Variants in ATAD2 observed in about 807,000 individuals in gnomAD.
ATAD2 encodes ATPase family AAA domain containing 2, also known as ATPase family AAA domain-containing protein 2.
In ATAD2, 62 loss-of-function variants were observed where a neutral mutation model predicts 168.9. The observed-to-expected ratio is 0.37, with a 90% CI of 0.30 to 0.45. The LOEUF (loss-of-function observed/expected upper bound fraction) is 0.45. ATAD2 is among the 20% of genes least tolerant of loss of function. The pLI is 1.00. For missense variants in ATAD2, 1,419 were observed against 1,667.8 expected (o/e 0.85, Z 2.60); for synonymous variants, 613 against 571.6 (o/e 1.07, Z -1.03).
chr8:123,400,114 A>T (rs550524615), upstream of ATAD2, among the ~76,000 whole-genome samples: 1 of 152,062 alleles, frequency 6.6e-6, no homozygotes, highest in Non-Finnish European at 1.5e-5. This position sits in a 1 kb window ranked among gnomAD's most constrained non-coding sequence, Gnocchi z 4.5. Flanking sequence ...CAGTGAGCCA[A>T]GATCATGCCA....
intron 19 of ATAD2, chr8:123,342,589 T>C (rs2131313314): frequency 6.6e-6 from 1 of 152,224 alleles, no homozygotes; most frequent in Middle Eastern, 3.4e-3. Flanking sequence ...ACATATGAGA[T>C]ATCCACATAA....
At position 123,320,949 on chromosome 8, in the gene ATAD2, T is replaced by C; in HGVS notation, c.*185A>G. 3 of 557,804 alleles carry C rather than the reference T, an allele frequency of 5.4e-6. No individual in the cohort carries two copies. The highest frequency in any genetic ancestry group is 6.1e-6 in the Non-Finnish European group (2 of 328,354). The allele number at this position is 557,804 out of a possible 1,614,324, so 34.6% of individuals were successfully genotyped here. ...CTAGCAAAGTTCCAATATTTATCAG[T>C]TATCTTACACATGACATTTATCTTA... On this transcript the variant is annotated 3_prime_UTR_variant, in exon 28 of 28. Coordinates refer to ENST00000287394, the MANE Select transcript of ATAD2 (RefSeq NM_014109.4).
intron 27 of ATAD2, among the ~76,000 whole-genome samples, chr8:123,322,664 G>A (rs1827500900): frequency 6.6e-6 from 1 of 150,858 alleles, no homozygotes; most frequent in Non-Finnish European, 1.5e-5. Context: ...CAGAGACCCT[G>A]TCTCTAAATA....
Position 123,320,321 on chromosome 8 carries a change from A to G in ATAD2, c.*813T>C, listed in dbSNP as rs1348802659. The G allele has an allele frequency of 6.6e-6, 1 of 151,494 alleles. No homozygotes were observed. The highest frequency in any genetic ancestry group is 1.5e-5 in the Non-Finnish European group (1 of 67,858). 9.4% of individuals were successfully genotyped at this position (151,494 alleles called of 1,614,324 possible). On this transcript the variant is annotated 3_prime_UTR_variant, in exon 28 of 28. Coordinates refer to ENST00000287394, the MANE Select transcript of ATAD2 (RefSeq NM_014109.4). Reference sequence around the variant, plus strand: ...AATGTATTTTTGGTACCATTAATATAAAATTATAATATTTATATTTATAAA... The same window carrying G: ...AATGTATTTTTGGTACCATTAATATGAAATTATAATATTTATATTTATAAA...
intron 1 of ATAD2, among the ~76,000 whole-genome samples, chr8:123,409,685 T>A (rs1468008302): frequency 6.6e-6 from 1 of 151,624 alleles, no homozygotes; most frequent in Non-Finnish European, 1.5e-5. Context: ...TAATAATCCT[T>A]GGCTGGGCAC....
chr8:123,377,940 T>C (rs917424326), intron 2 of ATAD2, among the ~76,000 whole-genome samples: 17 of 152,220 alleles, frequency 1.1e-4, no homozygotes, highest in Admixed American at 8.5e-4. Flanking sequence ...CAATTCTCTA[T>C]AAGGTAACAA....
intron 8 of ATAD2, among the ~76,000 whole-genome samples, chr8:123,368,635 C>A (rs958247261): frequency 1.3e-5 from 2 of 152,000 alleles, no homozygotes; most frequent in African/African-American, 4.8e-5. Flanking sequence ...GGTCTAGAGG[C>A]CATGTAGCTT....
At chr8:123,387,845 A>C (rs1829687991) in intron 1 of ATAD2, among the ~76,000 whole-genome samples, 1 of 152,180 alleles carries the variant, frequency 6.6e-6, no homozygotes, top group African/African-American at 2.4e-5. Context: ...TCAAGCTTTA[A>C]ATTCATTTTT....
In ATAD2 at chr8:123,367,447, T is replaced by C. The variant is rs559449644; in HGVS notation, c.1049+1611A>G. On this transcript the variant is annotated intron_variant, in intron 8 of 27. Coordinates refer to ENST00000287394, the MANE Select transcript of ATAD2 (RefSeq NM_014109.4). ...AAACAAAACGGGAGAAGAAATAAGA[T>C]CCCAAAGTAGCTGCCACCCTCTTAG... Among the ~76,000 whole-genome samples the C allele has an allele frequency of 2.6e-4, 39 of 152,074 alleles. No homozygotes were observed. In the South Asian group the frequency reaches 8.1e-3, roughly 32 times the overall value.
Position 123,369,087 on chromosome 8 carries a change from T to C in ATAD2, c.1020A>G (p.Pro340=), listed in dbSNP as rs1204048058. ...RPRYRLSSAG[P]RSPYCKRMNR... is the part of the protein sequence containing the mutation. ...TCATTCGTTTACAGTAAGGACTTCT[T>C]GGTCCTGCGGAAGATAATCGGTATC... is the stretch of plus-strand genomic sequence containing the variant. The change falls in exon 8 of 28, where the codon CCA becomes CCG. Residue 340 remains proline, a synonymous_variant. Coordinates refer to ENST00000287394, the MANE Select transcript of ATAD2 (RefSeq NM_014109.4). The C allele has an allele frequency of 1.9e-6, 3 of 1,594,408 alleles. No homozygotes were observed. The highest frequency in any genetic ancestry group is 1.1e-5 in the South Asian group (1 of 88,848).
At chr8:123,389,594 C>A (rs531232206) in intron 1 of ATAD2, among the ~76,000 whole-genome samples, 2 of 151,366 alleles carry the variant, frequency 1.3e-5, no homozygotes, top group Non-Finnish European at 2.9e-5. Flanking sequence ...GAGCCCAGAT[C>A]GCGCCACTGC....
At position 123,359,023 on chromosome 8, in the gene ATAD2, T is replaced by TG. The variant is rs1424700902; in HGVS notation, c.1382+197dup. The stretch of plus-strand genomic sequence containing the variant: ...CTGGCCCAGTATATTACTTTTATGA[T>TG]GGGGGGAAAGCTTACTAATTTTTAA... On this transcript the variant is annotated intron_variant, in intron 11 of 27. Transcript: ENST00000287394. Among the ~76,000 whole-genome samples the TG allele has an allele frequency of 1.2e-3, 186 of 152,096 alleles. 3 individuals carry two copies. Among genetic ancestry groups the TG allele is most frequent in the Non-Finnish European group, 2.4e-4 (16 of 67,998 alleles).
chr8:123,369,148 A>G lies in ATAD2; in HGVS notation c.959T>C (p.Ile320Thr). Residue 320 changes from isoleucine (I) to threonine (T), a missense_variant, in exon 8 of 28, where the codon ATA (isoleucine) becomes ACA (threonine). By Grantham distance (89) the Ile-to-Thr change is moderately conservative (BLOSUM62 -1). Around this residue, in one of 5 missense-constraint regions of ATAD2, gnomAD observed 419 missense variants for 423.5 expected, o/e 0.99. Transcript: ENST00000287394. The part of the protein sequence containing the change: ...EKPRHQRKPN[I>T]FYSGPASPAR... Reference sequence around the variant, plus strand: ...AGGAGAAGCTGGGCCACTATAAAATATGTTGGGCTTTCTCTGGTGACGAGG... The same window carrying G: ...AGGAGAAGCTGGGCCACTATAAAATGTGTTGGGCTTTCTCTGGTGACGAGG... 6.4e-7 allele frequency: 1 copy of G among 1,566,356 alleles called. No homozygotes were observed. The highest frequency in any genetic ancestry group is 8.7e-7 in the Non-Finnish European group (1 of 1,150,968).
At chr8:123,339,270 T>C in intron 20 of ATAD2, 41 bp downstream of exon 20, 1 of 1,434,238 alleles carries the variant, frequency 7.0e-7, no homozygotes, top group South Asian at 1.3e-5. Context: ...ATTCCTACTT[T>C]CTCAAAATTA....
intron 26 of ATAD2, among the ~76,000 whole-genome samples, chr8:123,325,163 C>A (rs1161654470): frequency 7.1e-6 from 1 of 140,342 alleles, no homozygotes; most frequent in Non-Finnish European, 1.5e-5. Flanking sequence ...AAGGCACGAT[C>A]TCGGCTTACT....
At chr8:123,375,834 T>C (rs974394435) in intron 2 of ATAD2, among the ~76,000 whole-genome samples, 2 of 151,680 alleles carry the variant, frequency 1.3e-5, no homozygotes, top group African/African-American at 4.8e-5. Flanking sequence ...AGTGGCTGGG[T>C]GCAGTGGCTT....
intron 1 of ATAD2, among the ~76,000 whole-genome samples, chr8:123,393,420 G>C (rs1237216972): frequency 6.6e-6 from 1 of 151,804 alleles, no homozygotes; most frequent in Admixed American, 6.6e-5. Flanking sequence ...CTGAGGTGGA[G>C]AATCACTTGA....
upstream of ATAD2, chr8:123,400,967 T>C (rs781119632): frequency 2.1e-6 from 3 of 1,429,112 alleles, no homozygotes; most frequent in Non-Finnish European, 2.9e-6. This position sits in a 1 kb window ranked among gnomAD's most constrained non-coding sequence, Gnocchi z 4.5. Flanking sequence ...GGTGATGTGC[T>C]GGAGGCCACG....
chr8:123,377,000 A>C (rs1224266352), intron 2 of ATAD2, among the ~76,000 whole-genome samples: 3 of 149,482 alleles, frequency 2.0e-5, no homozygotes, highest in Non-Finnish European at 4.4e-5. Flanking sequence ...CTGAGGCAGG[A>C]GAATCACTTG....
Sources: allele counts gnomAD v4.1 joint callset (sites outside exome capture counted in the v4.1 genomes callset), GRCh38; gene constraint gnomAD v4.1.1; regional missense constraint gnomAD v4.1.1; non-coding constraint Gnocchi (gnomAD v3.1); transcripts MANE v1.5; gene names NCBI Gene and HGNC (gene_info 2026-07-23, HGNC 2026-07-21).